Variants in PRPF3 observed in about 807,000 individuals in gnomAD.
The protein encoded by PRPF3 is U4/U6 small nuclear ribonucleoprotein Prp3.
Under a neutral mutation model 89.2 loss-of-function variants are expected in PRPF3, and 3 were observed. The ratio of observed to expected loss-of-function variants is 0.03; its 90% CI spans 0.02 to 0.09. The LOEUF is 0.09. PRPF3 is among the 10% of genes least tolerant of loss of function. PRPF3 has a pLI of 1.00. For missense variants in PRPF3, 463 were observed against 828.8 expected (o/e 0.56, Z 5.42); for synonymous variants, 270 against 289.1 (o/e 0.93, Z 0.67).
In PRPF3 at chr1:150,335,159, C is replaced by T. The variant is rs781915422; in HGVS notation, c.953C>T (p.Ala318Val). ...TTTTTTGACCCCCGAGTCTCCATTGCCCCTTCCCAGCGCCAGAGACGCACT... is the reference window on the plus strand; with the variant it reads ...TTTTTTGACCCCCGAGTCTCCATTGTCCCTTCCCAGCGCCAGAGACGCACT... ...NTFFDPRVSI[A>V]PSQRQRRTFK... The change falls in exon 7 of 16, where the codon GCC becomes GTC. Residue 318 changes from alanine (A) to valine (V), a missense_variant. By Grantham distance (64) the Ala-to-Val change is moderately conservative. This residue lies in a region of PRPF3 where 261 missense variants were observed against 475.8 expected (regional missense o/e 0.55). Transcript: ENST00000324862. The T allele has an allele frequency of 6.2e-7, 1 of 1,614,044 alleles. No homozygotes were observed. The highest frequency in any genetic ancestry group is 8.5e-7 in the Non-Finnish European group (1 of 1,179,968).
intron 7 of PRPF3, among the ~76,000 whole-genome samples, chr1:150,335,992 A>G (rs1416458100): frequency 1.4e-5 from 2 of 142,958 alleles, no homozygotes; most frequent in African/African-American, 5.3e-5. Context: ...CTGGTCTTAA[A>G]CTCCTGACCT....
intron 1 of PRPF3, among the ~76,000 whole-genome samples, chr1:150,322,546 C>G (rs1655169227): frequency 6.6e-6 from 1 of 152,154 alleles, no homozygotes; most frequent in Non-Finnish European, 1.5e-5. Flanking sequence ...TGTATGTCTA[C>G]TCATTGTGGG....
At chr1:150,343,495 T>C (rs782232071) in intron 10 of PRPF3, 43 bp downstream of exon 10, 1 of 1,605,234 alleles carries the variant, frequency 6.2e-7, no homozygotes, top group African/African-American at 1.3e-5. Flanking sequence ...GAGTGGCAAG[T>C]TTATGTCTTT....
At chr1:150,338,847 A>T (rs1553869070) in intron 8 of PRPF3, among the ~76,000 whole-genome samples, 1 of 152,174 alleles carries the variant, frequency 6.6e-6, no homozygotes, top group Non-Finnish European at 1.5e-5. Context: ...TGTATCATAT[A>T]TATAGGCTGT....
rs782279188 is a variant in PRPF3 at position 150,324,994 on chromosome 1, A to G, written c.52A>G (p.Thr18Ala). The G allele has an allele frequency of 4.3e-6, 7 of 1,613,738 alleles. No homozygotes were observed. The highest frequency in any genetic ancestry group is 2.7e-5 in the African/African-American group (2 of 74,928). ...LDELKPWIEK[T>A]VKRVLGFSEP... is the part of the protein sequence containing the mutation. ...TGAGCTGAAACCATGGATAGAGAAGACAGTGAAGAGGGTCCTGGGTTTCTC... is the reference window on the plus strand; with the variant it reads ...TGAGCTGAAACCATGGATAGAGAAGGCAGTGAAGAGGGTCCTGGGTTTCTC... Residue 18 changes from threonine (T) to alanine (A), a missense_variant, in exon 2 of 16, where the codon ACA becomes GCA. This residue lies in a region of PRPF3 where 33 missense variants were observed against 83.1 expected (regional missense o/e 0.40). Coordinates refer to ENST00000324862, the MANE Select transcript of PRPF3 (RefSeq NM_004698.4).
Position 150,332,676 on chromosome 1 carries a change from G to A in PRPF3, c.424-8G>A. On this transcript the variant is annotated splice_region_variant and splice_polypyrimidine_tract_variant and intron_variant, in intron 4 of 15. Transcript: ENST00000324862. ...TAACAGTTTTTCAATTTTTTTCCTG[G>A]AGAGCAGATCAAACAGATGATGGAG... The A allele has an allele frequency of 6.2e-7, 1 of 1,614,016 alleles. No individual in the cohort carries two copies. Among genetic ancestry groups the A allele is most frequent in the Non-Finnish European group, 8.5e-7 (1 of 1,179,916 alleles).
In PRPF3 at chr1:150,343,305, A is replaced by T; in HGVS notation, c.1283-4A>T. 1 of 1,607,960 alleles carries T rather than the reference A, an allele frequency of 6.2e-7. No individual in the cohort carries two copies. Among genetic ancestry groups the T allele is most frequent in the Non-Finnish European group, 8.5e-7 (1 of 1,177,012 alleles). On this transcript the variant is annotated splice_polypyrimidine_tract_variant and splice_region_variant and intron_variant, in intron 9 of 15. Coordinates refer to ENST00000324862, the MANE Select transcript of PRPF3 (RefSeq NM_004698.4). ...TTTGGTATACTAATATCTCTGCCTG[A>T]CAGTTGACAATGACACACCAGTTAC... is the stretch of plus-strand genomic sequence containing the variant.
chr1:150,322,155 A>G (rs1304920288), intron 1 of PRPF3, among the ~76,000 whole-genome samples: 1 of 152,142 alleles, frequency 6.6e-6, no homozygotes, highest in Non-Finnish European at 1.5e-5. Flanking sequence ...GTGGCACCTC[A>G]TTTATTGCTT....
chr1:150,339,761 T>TA (rs1553869744), intron 8 of PRPF3, among the ~76,000 whole-genome samples: 7 of 132,332 alleles, frequency 5.3e-5, no homozygotes, highest in African/African-American at 1.7e-4. Context: ...TTTTTTTTTT[T>TA]AAGACAGAGT....
In PRPF3 at chr1:150,353,083, C is replaced by G; in HGVS notation, c.*104C>G. On this transcript the variant is annotated 3_prime_UTR_variant, in exon 16 of 16. Transcript: ENST00000324862. ...CCCACTTGTTTGTGTGATCTCAGAA[C>G]TGTGCCAAGCAGACACTGGGACAAA... is the stretch of plus-strand genomic sequence containing the variant. 11 of 1,479,412 alleles carry G rather than the reference C, an allele frequency of 7.4e-6. No individual in the cohort carries two copies. The highest frequency in any genetic ancestry group is 1.0e-5 in the Non-Finnish European group (11 of 1,060,098). 91.6% of individuals were successfully genotyped at this position (1,479,412 alleles called of 1,614,324 possible).
At chr1:150,333,391 A>G (rs782042013) in intron 6 of PRPF3, among the ~76,000 whole-genome samples, 192 bp downstream of exon 6, 44 of 151,972 alleles carry the variant, frequency 2.9e-4, no homozygotes, top group Non-Finnish European at 5.4e-4. Context: ...ATATGGTGAA[A>G]ACCCATCTCT....
chr1:150,351,667 ATTTTTTTTTTT>A (rs10692607), intron 15 of PRPF3, among the ~76,000 whole-genome samples: 1 of 94,442 alleles, frequency 1.1e-5, no homozygotes, highest in Non-Finnish European at 2.1e-5. Flanking sequence ...TGCCTGGCTA[ATTTTTTTTTTT>A]TTTTTTTTTT....
chr1:150,327,288 G>A (rs1438663350), intron 3 of PRPF3, among the ~76,000 whole-genome samples: 1 of 151,880 alleles, frequency 6.6e-6, no homozygotes, highest in East Asian at 1.9e-4. Context: ...GGTTGGTCTC[G>A]AACTCCTGAC....
intron 4 of PRPF3, among the ~76,000 whole-genome samples, chr1:150,332,081 G>A (rs369344497): frequency 6.6e-6 from 1 of 151,896 alleles, no homozygotes; most frequent in African/African-American, 2.4e-5. Context: ...AAAATTAGCC[G>A]GGCGTGGTGG....
At chr1:150,325,166 C>G in intron 2 of PRPF3, 79 bp downstream of exon 2, 1 of 1,521,568 alleles carries the variant, frequency 6.6e-7, no homozygotes, top group Non-Finnish European at 9.0e-7. Context: ...AAAATTCTCT[C>G]TGTTGGGAAC....
chr1:150,338,030 T>C lies in PRPF3; in HGVS notation c.1036-130T>C, dbSNP rs587682405. On this transcript the variant is annotated intron_variant, in intron 7 of 15. Coordinates refer to ENST00000324862, the MANE Select transcript of PRPF3 (RefSeq NM_004698.4). ...TAGAGGTTGCTGTTAGCCAAGACCATGCCATTGCACTCCAGCCTGGGCAAG... is the reference window on the plus strand; with the variant it reads ...TAGAGGTTGCTGTTAGCCAAGACCACGCCATTGCACTCCAGCCTGGGCAAG... 4 of 901,464 alleles carry C rather than the reference T, an allele frequency of 4.4e-6. No individual in the cohort carries two copies. The South Asian group carries it at 6.1e-5, about 14-fold the overall frequency. 55.8% of individuals were successfully genotyped at this position (901,464 alleles called of 1,614,324 possible).
Position 150,324,895 on chromosome 1 carries a change from G to A in PRPF3, c.-48G>A. On this transcript the variant is annotated splice_region_variant and 5_prime_UTR_variant, in exon 2 of 16. In the 5' UTR this introduces an upstream ATG that the reference lacks. Coordinates refer to ENST00000324862, the MANE Select transcript of PRPF3 (RefSeq NM_004698.4). ...TAACTTGTCTCTTTTTTTTTTTTAG[G>A]TGTAGTATTGAGTCCTGTTTGAGCT... 1.2e-6 allele frequency: 1 copy of A among 825,124 alleles called. No individual in the cohort carries two copies. The highest frequency in any genetic ancestry group is 1.6e-6 in the Non-Finnish European group (1 of 630,018). The allele number at this position is 825,124 out of a possible 1,614,324, so 51.1% of individuals were successfully genotyped here. A position where few individuals can be genotyped will look rare whatever the true frequency, so the allele number is the denominator to read the frequency against.
chr1:150,334,861 GC>G, intron 6 of PRPF3, 73 bp from the exon 7 acceptor site: 1 of 1,562,200 alleles, frequency 6.4e-7, no homozygotes, highest in African/African-American at 1.3e-5. Flanking sequence ...GAGCCACCAC[GC>G]CTGGCTTTAT....
upstream of PRPF3, chr1:150,321,495 CGGCGGTGGCGGT>C (rs1239983513): frequency 6.5e-6 from 1 of 152,770 alleles, no homozygotes; most frequent in East Asian, 1.9e-4. Context: ...GGCGTGGCGG[CGGCGGTGGCGGT>C]AGCGACGGCA....
Sources: gnomAD v4.1 joint callset for allele counts (sites outside exome capture counted in the v4.1 genomes callset) on GRCh38, gnomAD v4.1.1 for gene constraint, gnomAD v4.1.1 regional missense constraint, MANE v1.5 for transcripts, NCBI Gene and HGNC (gene_info 2026-07-23, HGNC 2026-07-21) for gene names.